MAPK10: variants seen among roughly 807,000 people sequenced by gnomAD.
MAPK10 encodes mitogen-activated protein kinase 10.
In MAPK10, 25 loss-of-function variants were observed where a neutral mutation model predicts 59.3. That is an observed-to-expected ratio of 0.42 (90% confidence interval 0.31 to 0.59). The LOEUF (loss-of-function observed/expected upper bound fraction) is 0.59, where lower values mean the gene tolerates loss of function less well. Among genes scored for constraint, MAPK10 ranks in the 20% least tolerant of loss-of-function variants. MAPK10 has a pLI of 0.15. For synonymous variants in MAPK10, 190 were observed against 200.5 expected, an observed-to-expected ratio of 0.95 and a Z score of 0.44; for missense variants, 351 against 568.9, an observed-to-expected ratio of 0.62 and a Z score of 3.90.
At position 86,017,249 on chromosome 4, in the gene MAPK10, T is replaced by A. The variant is rs1262329751; in HGVS notation, c.1374A>T (p.Gly458=). The A allele has an allele frequency of 6.2e-7, 1 of 1,613,838 alleles. No homozygotes were observed. Among genetic ancestry groups the A allele is most frequent in the African/African-American group, 1.3e-5 (1 of 74,842 alleles). The change falls in exon 14 of 14, where the codon GGA becomes GGT. Residue 458 remains glycine (G), a synonymous_variant. Coordinates refer to ENST00000641462, the MANE Select transcript of MAPK10 (RefSeq NM_138982.4). This position sits in a 1 kb window ranked among gnomAD's most constrained non-coding sequence, Gnocchi z 4.4. ...DTDSSLEASA[G]PLGCCR Reference sequence around the variant, plus strand: ...CTAGTCACCTGCAACAACCCAGGGGTCCTGCCGAGGCTTCCAGGCTGCTGT... The same window carrying A: ...CTAGTCACCTGCAACAACCCAGGGGACCTGCCGAGGCTTCCAGGCTGCTGT...
chr4:86,587,892 C>G (rs1416686287), intron 1 of MAPK10, among the ~76,000 whole-genome samples: 1 of 152,176 alleles, frequency 6.6e-6, no homozygotes, highest in African/African-American at 2.4e-5. Flanking sequence ...CAATGCGTGC[C>G]TCTAGTCCCA....
intron 9 of MAPK10, among the ~76,000 whole-genome samples, chr4:86,069,476 C>T (rs1298709091): frequency 1.3e-5 from 2 of 152,052 alleles, no homozygotes; most frequent in African/African-American, 2.4e-5. Flanking sequence ...AGCAGTAATT[C>T]AGAATCACTA....
intron 3 of MAPK10, among the ~76,000 whole-genome samples, chr4:86,187,261 C>T (rs1186375734): frequency 2.0e-5 from 3 of 152,046 alleles, no homozygotes; most frequent in African/African-American, 7.2e-5. Context: ...ACAACAATAA[C>T]TAATATAAAA....
chr4:86,224,735 T>C (rs1460750), intron 2 of MAPK10, among the ~76,000 whole-genome samples: 8 of 151,976 alleles, frequency 5.3e-5, no homozygotes, highest in African/African-American at 1.9e-4. Flanking sequence ...TAACATAATC[T>C]ATGCACAAGA....
intron 1 of MAPK10, among the ~76,000 whole-genome samples, chr4:86,584,211 C>T (rs1008525150): frequency 1.3e-5 from 2 of 152,176 alleles, no homozygotes; most frequent in African/African-American, 4.8e-5. Context: ...CAGCCCAGCT[C>T]TAGCTCTTTG....
chr4:86,540,628 G>C (rs1393644371), intron 1 of MAPK10, among the ~76,000 whole-genome samples: 1 of 151,648 alleles, frequency 6.6e-6, no homozygotes, highest in African/African-American at 2.4e-5. Flanking sequence ...GTTAATCACA[G>C]AATAAAAATA....
upstream of MAPK10, among the ~76,000 whole-genome samples, chr4:86,456,688 C>T (rs1005808899): frequency 3.3e-5 from 5 of 151,988 alleles, no homozygotes; most frequent in Non-Finnish European, 7.4e-5. Flanking sequence ...AAAAAAAAGT[C>T]CGGAACCAGA....
At chr4:86,294,774 G>A (rs1294290490) in intron 2 of MAPK10, among the ~76,000 whole-genome samples, 1 of 152,146 alleles carries the variant, frequency 6.6e-6, no homozygotes, top group Non-Finnish European at 1.5e-5. Context: ...AATTCACAGG[G>A]CAGAATACGA....
intron 2 of MAPK10, among the ~76,000 whole-genome samples, chr4:86,289,000 A>G (rs2095129554): frequency 1.3e-5 from 2 of 152,132 alleles, no homozygotes; most frequent in African/African-American, 4.8e-5. Flanking sequence ...AATAAACACT[A>G]TACTTTCAGG....
chr4:86,042,640 A>G (rs2041797443), intron 11 of MAPK10, among the ~76,000 whole-genome samples: 1 of 152,202 alleles, frequency 6.6e-6, no homozygotes, highest in African/African-American at 2.4e-5. Context: ...GCTTGTTATA[A>G]CTATAAGATG....
At chr4:86,136,254 TA>T (rs2062059944) in intron 4 of MAPK10, among the ~76,000 whole-genome samples, 1 of 151,502 alleles carries the variant, frequency 6.6e-6, no homozygotes, top group African/African-American at 2.4e-5. Context: ...AAAGTTGAAA[TA>T]AAGGAAAAAA....
At chr4:86,410,142 G>A (rs1299426211) in intron 1 of MAPK10, among the ~76,000 whole-genome samples, 1 of 152,138 alleles carries the variant, frequency 6.6e-6, no homozygotes, top group Admixed American at 6.5e-5. Flanking sequence ...GGCCTTTTCT[G>A]CATCTATTGA....
intron 2 of MAPK10, among the ~76,000 whole-genome samples, chr4:86,235,868 G>A (rs1017402218): frequency 3.3e-5 from 5 of 152,218 alleles, no homozygotes; most frequent in East Asian, 1.9e-4. Context: ...ACAAATTACC[G>A]CAAACTTAGT....
At chr4:86,300,404 A>G (rs997398338) in intron 2 of MAPK10, among the ~76,000 whole-genome samples, 7 of 152,118 alleles carry the variant, frequency 4.6e-5, no homozygotes, top group Non-Finnish European at 8.8e-5. Flanking sequence ...CCCCATATTC[A>G]TGCATTAAAA....
intron 1 of MAPK10, among the ~76,000 whole-genome samples, chr4:86,575,686 A>C (rs1026027243): frequency 6.6e-6 from 1 of 151,656 alleles, no homozygotes; most frequent in Non-Finnish European, 1.5e-5. Context: ...GTCTGTTGAT[A>C]TGCAGAGTTA....
intron 1 of MAPK10, among the ~76,000 whole-genome samples, chr4:86,479,076 A>T (rs976209223): frequency 3.9e-5 from 6 of 152,134 alleles, no homozygotes; most frequent in African/African-American, 1.4e-4. Flanking sequence ...CTTGGTAGAC[A>T]CTTTCACTGG....
chr4:86,560,249 T>C (rs897963662), intron 1 of MAPK10, among the ~76,000 whole-genome samples: 1 of 152,174 alleles, frequency 6.6e-6, no homozygotes, highest in African/African-American at 2.4e-5. Context: ...TACTCCAAGG[T>C]TCAGAGTCAG....
At chr4:86,197,597 A>G (rs771821338) in intron 2 of MAPK10, among the ~76,000 whole-genome samples, 7 of 152,250 alleles carry the variant, frequency 4.6e-5, no homozygotes, top group Admixed American at 1.3e-4. Context: ...ATTTAGACCT[A>G]TCTACAGTGG....
intron 2 of MAPK10, among the ~76,000 whole-genome samples, chr4:86,311,762 C>A (rs2095673951): frequency 6.6e-6 from 1 of 152,082 alleles, no homozygotes; most frequent in Non-Finnish European, 1.5e-5. Flanking sequence ...CTTGGGACTA[C>A]TGAAGAATTC....
Sources: allele counts gnomAD v4.1 joint callset (sites outside exome capture counted in the v4.1 genomes callset), GRCh38; gene constraint gnomAD v4.1.1; non-coding constraint Gnocchi (gnomAD v3.1); transcripts MANE v1.5; gene names NCBI Gene and HGNC (gene_info 2026-07-23, HGNC 2026-07-21).